Variants in TRIM65 observed in about 807,000 individuals in gnomAD.
TRIM65 encodes the protein tripartite motif containing 65, also known as E3 ubiquitin-protein ligase TRIM65.
Under a neutral mutation model 36.1 loss-of-function variants are expected in TRIM65, and 46 were observed. The observed-to-expected ratio is 1.27, with a 90% CI of 1.01 to 1.63. TRIM65 has a LOEUF of 1.63. TRIM65 is among the 40% of genes most tolerant of loss of function. The pLI is 0.00. For synonymous variants in TRIM65, 346 were observed against 313.6 expected, an observed-to-expected ratio of 1.10 and a Z score of -1.09; for missense variants, 708 against 696.6, an observed-to-expected ratio of 1.02 and a Z score of -0.18.
intron 1 of TRIM65, among the ~76,000 whole-genome samples, chr17:75,895,718 C>A (rs1328610460): frequency 1.3e-5 from 2 of 152,242 alleles, no homozygotes; most frequent in Non-Finnish European, 2.9e-5. Context: ...ATGCCATGTG[C>A]TTTCCTCACT....
intron 1 of TRIM65, among the ~76,000 whole-genome samples, chr17:75,896,183 G>C (rs1296749564): frequency 1.3e-5 from 2 of 152,216 alleles, no homozygotes; most frequent in Non-Finnish European, 2.9e-5. Flanking sequence ...AGCCTCCCGA[G>C]TAGATGGGAC....
intron 1 of TRIM65, among the ~76,000 whole-genome samples, chr17:75,893,499 C>CT (rs1176613596): frequency 6.6e-6 from 1 of 152,164 alleles, no homozygotes; most frequent in Non-Finnish European, 1.5e-5. Flanking sequence ...ACACCGTGCT[C>CT]TCATGAGAGC....
downstream of TRIM65, among the ~76,000 whole-genome samples, chr17:75,887,154 T>TA (rs5822108): frequency 7.4e-3 from 752 of 101,696 alleles, 12 homozygotes; most frequent in African/African-American, 0.027. Flanking sequence ...CCCCATCTCT[T>TA]AAAAAAAAAA....
downstream of TRIM65, among the ~76,000 whole-genome samples, chr17:75,888,636 C>T (rs1330546341): frequency 1.3e-5 from 2 of 152,230 alleles, no homozygotes; most frequent in Non-Finnish European, 2.9e-5. Flanking sequence ...TACATCCTGC[C>T]TGGCTGGGCT....
At chr17:75,886,967 C>T (rs1008242447), downstream of TRIM65, among the ~76,000 whole-genome samples, 1 of 151,960 alleles carries the variant, frequency 6.6e-6, no homozygotes, top group Non-Finnish European at 1.5e-5. Flanking sequence ...CCAGCCTGGG[C>T]AACACAGTGA....
rs537885083 is a variant in TRIM65 at position 75,889,524 on chromosome 17, C to T, written c.*1255G>A. On this transcript the variant is annotated 3_prime_UTR_variant, in exon 6 of 6. Transcript: ENST00000269383. ...CTGCAATGGCAAACACCACACCAAA[C>T]CAGGAGGAGCTAGCCTGTGCCGACA... 6.6e-6 allele frequency: 1 copy of T among 152,360 alleles called. No individual in the cohort carries two copies. The highest frequency in any genetic ancestry group is 1.9e-4 in the East Asian group (1 of 5,188). The allele number at this position is 152,360 out of a possible 1,614,324, so 9.4% of individuals were successfully genotyped here.
At chr17:75,892,544 G>A (rs1216799143) in intron 2 of TRIM65, 44 bp from the exon 3 acceptor site, 1 of 1,553,894 alleles carries the variant, frequency 6.4e-7, no homozygotes, top group Non-Finnish European at 8.8e-7. Context: ...AGGGCCCTGT[G>A]CCATACCAAG....
At chr17:75,893,135 T>A (rs577417330) in intron 1 of TRIM65, among the ~76,000 whole-genome samples, 2 of 152,326 alleles carry the variant, frequency 1.3e-5, no homozygotes, top group African/African-American at 4.8e-5. Flanking sequence ...ACCTCTTGCA[T>A]GCTGAGCAAG....
downstream of TRIM65, among the ~76,000 whole-genome samples, chr17:75,888,202 T>TA (rs1215318924): frequency 7.0e-6 from 1 of 143,720 alleles, no homozygotes; most frequent in Non-Finnish European, 1.5e-5. Context: ...AATAAATAAA[T>TA]ATTAGTCGGG....
At chr17:75,891,960 G>C in intron 4 of TRIM65, 51 bp downstream of exon 4, 1 of 1,558,458 alleles carries the variant, frequency 6.4e-7, no homozygotes, top group Non-Finnish European at 8.7e-7. Context: ...CCCCCAGCGG[G>C]AGGGGCAGCT....
At chr17:75,888,676 CA>C (rs1336728432), downstream of TRIM65, among the ~76,000 whole-genome samples, 2 of 152,226 alleles carry the variant, frequency 1.3e-5, no homozygotes, top group Non-Finnish European at 2.9e-5. Context: ...CCTAGCTGGT[CA>C]GCAAGGTCCT....
At chr17:75,881,235 CAAAAAAAAAAAAA>C (rs58718762) in intron 4 of TRIM65, among the ~76,000 whole-genome samples, 1,559 of 110,352 alleles carry the variant, frequency 0.014, 148 homozygotes, top group African/African-American at 0.045. Context: ...GACTCCATCT[CAAAAAAAAAAAAA>C]AAAAAAAAAG....
Position 75,890,738 on chromosome 17 carries a change from G to C in TRIM65, c.*41C>G. ...AGCTGGGCAGCTCTTGGGCACATAG[G>C]CATGGTGGCAGCTATGCCAGGGCTC... On this transcript the variant is annotated 3_prime_UTR_variant, in exon 6 of 6. Coordinates refer to ENST00000269383, the MANE Select transcript of TRIM65 (RefSeq NM_173547.4). 7.0e-7 allele frequency: 1 copy of C among 1,420,760 alleles called. No homozygotes were observed. 88.0% of individuals were successfully genotyped at this position (1,420,760 alleles called of 1,614,324 possible). A position where few individuals can be genotyped will look rare whatever the true frequency, so the allele number is the denominator to read the frequency against.
chr17:75,882,364 C>A (rs772938040), intron 4 of TRIM65, among the ~76,000 whole-genome samples: 1 of 150,532 alleles, frequency 6.6e-6, no homozygotes, highest in Non-Finnish European at 1.5e-5. Flanking sequence ...TGCATCACCA[C>A]GCTCGGCTAA....
rs896044695 is a variant in TRIM65 at position 75,891,940 on chromosome 17, C to T, written c.920-62G>A. ...AGGTCACGATGTGTGGGCCCTGACC[C>T]GCCTCCACCCCCCCAGCGGGAGGGG... On this transcript the variant is annotated intron_variant, in intron 4 of 5. Transcript: ENST00000269383. The T allele has an allele frequency of 4.4e-5, 69 of 1,564,586 alleles. 1 individual carries two copies. The highest frequency in any genetic ancestry group is 3.8e-4 in the East Asian group (16 of 42,082).
chr17:75,893,036 C>T (rs1296374694), intron 1 of TRIM65, among the ~76,000 whole-genome samples, 186 bp from the exon 2 acceptor site: 1 of 152,228 alleles, frequency 6.6e-6, no homozygotes, highest in South Asian at 2.1e-4. Flanking sequence ...CGGGGGGGTC[C>T]AGACAAAGTC....
rs373984857 is a variant in TRIM65, at chr17:75,892,859, C to T, written c.415-9G>A. ...CTGGCTCTCAGCTGGGCCTGTGGTG[C>T]GGGCCCACGGGACAAGCAACAAGAG... On this transcript the variant is annotated splice_polypyrimidine_tract_variant and intron_variant, in intron 1 of 5. Coordinates refer to ENST00000269383, the MANE Select transcript of TRIM65 (RefSeq NM_173547.4). The T allele has an allele frequency of 9.4e-6, 15 of 1,599,906 alleles. No individual in the cohort carries two copies. The South Asian group carries it at 1.1e-4, about 12-fold the overall frequency.
At chr17:75,880,209 C>A (rs544027650), downstream of TRIM65, 1 of 150,762 alleles carries the variant, frequency 6.6e-6, no homozygotes, top group South Asian at 2.1e-4. Context: ...CTGTCCTGGG[C>A]GTCTGTCCCA....
chr17:75,886,932 A>G (rs532534890), downstream of TRIM65, among the ~76,000 whole-genome samples: 151 of 152,188 alleles, frequency 9.9e-4, no homozygotes, highest in Non-Finnish European at 1.7e-3. Context: ...CTGGGCATGG[A>G]TCACTTGAAG....
Sources: gnomAD v4.1 joint callset for allele counts (sites outside exome capture counted in the v4.1 genomes callset) on GRCh38, gnomAD v4.1.1 for gene constraint, MANE v1.5 for transcripts, NCBI Gene and HGNC (gene_info 2026-07-23, HGNC 2026-07-21) for gene names.